The following KALRN variants were observed in gnomAD, a reference collection of about 807,000 sequenced individuals.
KALRN encodes kalirin RhoGEF kinase.
A neutral mutation model predicts 353.7 loss-of-function variants in KALRN; 70 were observed. The observed-to-expected ratio is 0.20, with a 90% CI of 0.16 to 0.24. The LOEUF is 0.24. Ranked by LOEUF, KALRN falls within the 10% of genes least tolerant of loss-of-function variation. The pLI, the probability that KALRN is intolerant of heterozygous loss-of-function variation, is 1.00. For synonymous variants in KALRN, 1,391 were observed against 1,434.8 expected (o/e 0.97, Z 0.69); for missense variants, 2,791 against 3,756.7 (o/e 0.74, Z 6.72).
At position 124,446,756 on chromosome 3, in the gene KALRN, C is replaced by T. The variant is rs953103006; in HGVS notation, c.3430-7C>T. On this transcript the variant is annotated splice_polypyrimidine_tract_variant and splice_region_variant and intron_variant, in intron 20 of 59. Transcript: ENST00000682506. ...TTGGGGACTGGATGAGTTGTTTCCT[C>T]CCATAGGCGCTTGACTGGATCCAAG... 1.9e-6 allele frequency: 3 copies of T among 1,614,046 alleles called. No homozygotes were observed. Among genetic ancestry groups the T allele is most frequent in the Non-Finnish European group, 2.5e-6 (3 of 1,179,972 alleles).
At chr3:124,434,764 T>C (rs1267637064) in intron 17 of KALRN, among the ~76,000 whole-genome samples, 1 of 152,224 alleles carries the variant, frequency 6.6e-6, no homozygotes, top group Admixed American at 6.5e-5. Context: ...TAGGGAGGTG[T>C]TGAAATAGAA....
intron 10 of KALRN, among the ~76,000 whole-genome samples, chr3:124,366,843 C>T (rs1421459618): frequency 6.8e-6 from 1 of 146,102 alleles, no homozygotes; most frequent in African/African-American, 2.6e-5. Context: ...TCTGACCCCC[C>T]CACCTCCCTC....
chr3:124,152,568 TTTTC>T (rs1553797141), intron 1 of KALRN: 11 of 625,438 alleles, frequency 1.8e-5, no homozygotes, highest in South Asian at 3.6e-5. Context: ...TTTTCTTTTC[TTTTC>T]TTTTCTTTCT....
intron 52 of KALRN, 143 bp downstream of exon 52, chr3:124,693,974 A>G (rs78668360): frequency 0.013 from 8,524 of 644,266 alleles, 73 homozygotes; most frequent in Non-Finnish European, 0.018. Flanking sequence ...ATAAATTATT[A>G]GATGAAAAAG....
intron 1 of KALRN, among the ~76,000 whole-genome samples, chr3:124,081,081 A>G (rs2060517799): frequency 6.6e-6 from 1 of 152,164 alleles, no homozygotes; most frequent in African/African-American, 2.4e-5. Flanking sequence ...CATCTCATAT[A>G]CAAGAGTTTC....
intron 11 of KALRN, among the ~76,000 whole-genome samples, chr3:124,391,900 G>A (rs999356655): frequency 5.9e-5 from 9 of 152,126 alleles, no homozygotes; most frequent in African/African-American, 1.2e-4. Flanking sequence ...TGGCAAAAAC[G>A]GAATAGAGAG....
intron 55 of KALRN, among the ~76,000 whole-genome samples, chr3:124,699,592 G>A (rs1008159043): frequency 1.1e-4 from 16 of 152,104 alleles, no homozygotes; most frequent in Admixed American, 8.5e-4. Flanking sequence ...TGTAAATTCT[G>A]TATTATCTAT....
intron 25 of KALRN, among the ~76,000 whole-genome samples, chr3:124,473,827 C>A (rs10433406): frequency 0.25 from 37,743 of 152,036 alleles, 6,482 homozygotes; most frequent in East Asian, 0.58. Flanking sequence ...CAAATTGTTC[C>A]TTGTAAAGAT....
chr3:124,184,172 A>G (rs552720894), intron 1 of KALRN, among the ~76,000 whole-genome samples: 3 of 152,280 alleles, frequency 2.0e-5, no homozygotes, highest in Non-Finnish European at 4.4e-5. Flanking sequence ...CTAGAGTCAC[A>G]TGGATCTGGA....
intron 5 of KALRN, among the ~76,000 whole-genome samples, chr3:124,295,376 T>C (rs972454556): frequency 6.6e-6 from 1 of 152,214 alleles, no homozygotes; most frequent in East Asian, 1.9e-4. Context: ...TCAGTTGGGA[T>C]GGCATGGGCG....
rs150023042 is a variant in KALRN, at chr3:124,600,475, G to A, written c.5183-31945G>A. Among the ~76,000 whole-genome samples the A allele has an allele frequency of 9.8e-5, 15 of 152,336 alleles. No individual in the cohort carries two copies. In the East Asian group the frequency reaches 2.9e-3, roughly 29 times the overall value. ...CGTATTTCAAAGACAGGACAGGGCA[G>A]TGGCTATAATTCTGGTTGTGGAATG... is the stretch of plus-strand genomic sequence containing the variant. On this transcript the variant is annotated intron_variant, in intron 34 of 59. Transcript: ENST00000682506.
chr3:124,451,026 C>CA (rs551274133), intron 21 of KALRN, among the ~76,000 whole-genome samples: 6 of 148,436 alleles, frequency 4.0e-5, no homozygotes, highest in South Asian at 4.3e-4. Flanking sequence ...TTTGTGTCTA[C>CA]AAAAAAAAAT....
intron 7 of KALRN, among the ~76,000 whole-genome samples, chr3:124,327,756 T>A (rs529357421): frequency 6.6e-6 from 1 of 152,316 alleles, no homozygotes; most frequent in Admixed American, 6.5e-5. Flanking sequence ...TTGGGTAATA[T>A]AGGCCAAGGA....
chr3:124,198,704 C>CATGT (rs139315685), intron 1 of KALRN, among the ~76,000 whole-genome samples: 4,456 of 152,252 alleles, frequency 0.029, 71 homozygotes, highest in Non-Finnish European at 0.046. Flanking sequence ...AAATTTTGTG[C>CATGT]ATGTATGTAT....
At chr3:124,400,777 C>T (rs372363922) in intron 13 of KALRN, among the ~76,000 whole-genome samples, 1 of 152,176 alleles carries the variant, frequency 6.6e-6, no homozygotes, top group Non-Finnish European at 1.5e-5. Context: ...CATTCCTCAG[C>T]TCCATTTTGC....
At chr3:124,468,353 T>G (rs2060549833) in intron 25 of KALRN, among the ~76,000 whole-genome samples, 1 of 152,066 alleles carries the variant, frequency 6.6e-6, no homozygotes, top group African/African-American at 2.4e-5. Flanking sequence ...AGGGGGGGGT[T>G]GATCCATGGC....
chr3:124,462,256 A>G (rs1003357524), intron 24 of KALRN, among the ~76,000 whole-genome samples: 3 of 152,226 alleles, frequency 2.0e-5, no homozygotes, highest in Non-Finnish European at 4.4e-5. Flanking sequence ...ATTGGGTCTG[A>G]AAATCTGCAT....
At chr3:124,199,766 A>G (rs1462734372) in intron 1 of KALRN, among the ~76,000 whole-genome samples, 2 of 152,186 alleles carry the variant, frequency 1.3e-5, no homozygotes, top group African/African-American at 2.4e-5. Flanking sequence ...TCAGATGGGT[A>G]ATTGTAGAAG....
chr3:124,366,838 C>T (rs2084792474), intron 10 of KALRN, among the ~76,000 whole-genome samples: 1 of 143,806 alleles, frequency 7.0e-6, no homozygotes, highest in Non-Finnish European at 1.5e-5. Flanking sequence ...GGGGGTCTGA[C>T]CCCCCCACCT....
Sources: gnomAD v4.1 joint callset for allele counts (sites outside exome capture counted in the v4.1 genomes callset) on GRCh38, gnomAD v4.1.1 for gene constraint, MANE v1.5 for transcripts, NCBI Gene and HGNC (gene_info 2026-07-23, HGNC 2026-07-21) for gene names.